Variants in MAP2K5 observed in about 807,000 individuals in gnomAD.
MAP2K5 encodes mitogen-activated protein kinase kinase 5.
In MAP2K5, 49 loss-of-function variants were observed where a neutral mutation model predicts 83.1. The observed-to-expected ratio is 0.59, with a 90% CI of 0.47 to 0.75. The LOEUF is 0.75. Ranked by LOEUF, MAP2K5 falls within the 30% of genes least tolerant of loss-of-function variation. The pLI is 0.00. For synonymous variants in MAP2K5, 202 were observed against 191.8 expected, an observed-to-expected ratio of 1.05 and a Z score of -0.44; for missense variants, 457 against 557.5, an observed-to-expected ratio of 0.82 and a Z score of 1.82.
chr15:67,659,035 A>AT, intron 12 of MAP2K5: 5 of 244,480 alleles, frequency 2.0e-5, no homozygotes, highest in South Asian at 9.3e-5. Context: ...ATTAGTAAAG[A>AT]TTTTTTGCAG....
intron 1 of MAP2K5, chr15:67,546,422 A>G (rs952317526): frequency 1.7e-5 from 3 of 179,994 alleles, no homozygotes; most frequent in Admixed American, 1.3e-4. Flanking sequence ...CGAGTCAGCC[A>G]TAACTGAGTG....
At chr15:67,723,858 G>A (rs2089027157) in intron 16 of MAP2K5, among the ~76,000 whole-genome samples, 1 of 151,708 alleles carries the variant, frequency 6.6e-6, no homozygotes, top group Non-Finnish European at 1.5e-5. Context: ...TATTTGCTTT[G>A]TTGTGATTCT....
At chr15:67,550,144 A>T in intron 2 of MAP2K5, 62 bp downstream of exon 2, 1 of 1,302,438 alleles carries the variant, frequency 7.7e-7, no homozygotes, top group Non-Finnish European at 1.1e-6. Flanking sequence ...TAAAGGGTTT[A>T]TGGGTGGCAT....
At chr15:67,726,184 T>A (rs1210564714) in intron 16 of MAP2K5, among the ~76,000 whole-genome samples, 1 of 152,236 alleles carries the variant, frequency 6.6e-6, no homozygotes, top group East Asian at 1.9e-4. Flanking sequence ...CTAGGTATTC[T>A]AAGACATACA....
At chr15:67,756,514 A>AGTGT (rs1566953852) in intron 19 of MAP2K5, among the ~76,000 whole-genome samples, 3,874 of 97,858 alleles carry the variant, frequency 0.04, 81 homozygotes, top group South Asian at 0.071. Context: ...ACACACAGTT[A>AGTGT]CTGTGTGTGT....
intron 17 of MAP2K5, among the ~76,000 whole-genome samples, chr15:67,733,750 A>T (rs2089276863): frequency 6.6e-6 from 1 of 152,244 alleles, no homozygotes; most frequent in East Asian, 1.9e-4. Context: ...GCATTCTTAA[A>T]TCCCAATACA....
intron 16 of MAP2K5, among the ~76,000 whole-genome samples, chr15:67,715,967 AT>A (rs1295563683): frequency 1.3e-5 from 2 of 152,130 alleles, no homozygotes; most frequent in East Asian, 3.9e-4. Flanking sequence ...TTTGTCTCAG[AT>A]TTTTTTCTGT....
intron 15 of MAP2K5, among the ~76,000 whole-genome samples, chr15:67,696,183 T>A (rs12232311): frequency 6.6e-6 from 1 of 150,494 alleles, no homozygotes; most frequent in Non-Finnish European, 1.5e-5. Flanking sequence ...TTATATTTTA[T>A]AATTTTGAGT....
At position 67,794,520 on chromosome 15, in the gene MAP2K5, T is replaced by C. The variant is rs996762743; in HGVS notation, c.1243-12126T>C. ...ATCCTGTAGAAAACTAGACTAGGTC[T>C]GATGACTTTGACCTTTGTTACGCTC... is the stretch of plus-strand genomic sequence containing the variant. On this transcript the variant is annotated intron_variant, in intron 21 of 21. Transcript: ENST00000178640. This position sits in a 1 kb window ranked among gnomAD's most constrained non-coding sequence, Gnocchi z 4.6. Among the ~76,000 whole-genome samples the C allele has an allele frequency of 6.6e-6, 1 of 152,066 alleles. No individual in the cohort carries two copies. The highest frequency in any genetic ancestry group is 2.4e-5 in the African/African-American group (1 of 41,388).
intron 21 of MAP2K5, among the ~76,000 whole-genome samples, chr15:67,789,697 A>G (rs1751057518): frequency 2.0e-5 from 3 of 152,060 alleles, no homozygotes; most frequent in Admixed American, 2.0e-4. Flanking sequence ...CCTGAGCAAC[A>G]AGAGCAAAAC....
Position 67,748,512 on chromosome 15 carries a change from A to T in MAP2K5, c.1102-57A>T. 2 of 1,490,660 alleles carry T rather than the reference A, an allele frequency of 1.3e-6. No homozygotes were observed. The allele number at this position is 1,490,660 out of a possible 1,614,324, so 92.3% of individuals were successfully genotyped here. A position where few individuals can be genotyped will look rare whatever the true frequency, so the allele number is the denominator to read the frequency against. On this transcript the variant is annotated intron_variant, in intron 18 of 21. Coordinates refer to ENST00000178640, the MANE Select transcript of MAP2K5 (RefSeq NM_145160.3). The surrounding 1 kb of genome is among the most constrained non-coding windows in gnomAD (Gnocchi z 4.0). The stretch of plus-strand genomic sequence containing the variant: ...ATTAATGATTTTTTCTTTCCACTCC[A>T]CTGTAAAGATATTGCATAGAGGCTA...
chr15:67,752,367 G>T (rs2141278495), intron 19 of MAP2K5, among the ~76,000 whole-genome samples: 1 of 151,932 alleles, frequency 6.6e-6, no homozygotes, highest in South Asian at 2.1e-4. Flanking sequence ...TTTTGCTAAG[G>T]TCACTATCAG....
chr15:67,566,497 T>C (rs1373857993), intron 3 of MAP2K5, among the ~76,000 whole-genome samples: 2 of 152,184 alleles, frequency 1.3e-5, no homozygotes, highest in East Asian at 3.8e-4. Flanking sequence ...GTTTTTCATA[T>C]AGAATTCAGT....
chr15:67,649,220 A>G (rs970458052), intron 11 of MAP2K5, among the ~76,000 whole-genome samples: 1 of 152,024 alleles, frequency 6.6e-6, no homozygotes, highest in Non-Finnish European at 1.5e-5. Flanking sequence ...TCCTTTGTCT[A>G]TTTTTTAAAT....
rs1208826972 is a variant in MAP2K5 at position 67,760,634 on chromosome 15, C to T, written c.1135-8968C>T. Among the ~76,000 whole-genome samples the T allele has an allele frequency of 1.3e-5, 2 of 151,966 alleles. No individual in the cohort carries two copies. The highest frequency in any genetic ancestry group is 4.8e-5 in the African/African-American group (2 of 41,354). ...TCTGCATCTTTAGGCAGTCATTGAA[C>T]AAGTAGCTTTGTGTTATTTCCTTTG... On this transcript the variant is annotated intron_variant, in intron 19 of 21. Coordinates refer to ENST00000178640, the MANE Select transcript of MAP2K5 (RefSeq NM_145160.3). The surrounding 1 kb of genome is among the most constrained non-coding windows in gnomAD (Gnocchi z 4.1).
At chr15:67,603,645 A>G (rs923119199) in intron 8 of MAP2K5, among the ~76,000 whole-genome samples, 2 of 152,186 alleles carry the variant, frequency 1.3e-5, no homozygotes, top group Non-Finnish European at 2.9e-5. Context: ...TTCAGCTTGT[A>G]TTATTGTTCT....
At chr15:67,625,508 C>T (rs4776952) in intron 8 of MAP2K5, among the ~76,000 whole-genome samples, 106,114 of 152,114 alleles carry the variant, frequency 0.7, 37,621 homozygotes, top group Middle Eastern at 0.81. Flanking sequence ...GTATAGTTGT[C>T]TTTTGGTGTA....
intron 19 of MAP2K5, among the ~76,000 whole-genome samples, chr15:67,765,621 G>C (rs563634855): frequency 6.6e-6 from 1 of 152,266 alleles, no homozygotes; most frequent in South Asian, 2.1e-4. Context: ...GGAGTGTCCA[G>C]CTTACCTGCC....
intron 1 of MAP2K5, chr15:67,548,949 A>G: frequency 1.7e-6 from 2 of 1,181,992 alleles, no homozygotes; most frequent in Non-Finnish European, 2.3e-6. Flanking sequence ...CAAGACTATT[A>G]TGCAAATTGC....
Sources: allele counts gnomAD v4.1 joint callset (sites outside exome capture counted in the v4.1 genomes callset), GRCh38; gene constraint gnomAD v4.1.1; non-coding constraint Gnocchi (gnomAD v3.1); transcripts MANE v1.5; gene names NCBI Gene and HGNC (gene_info 2026-07-23, HGNC 2026-07-21).